Variants in SLC44A5 observed in about 807,000 individuals in gnomAD.
The protein encoded by SLC44A5 is choline transporter-like protein 5.
A neutral mutation model predicts 101.8 loss-of-function variants in SLC44A5; 57 were observed. The observed-to-expected ratio is 0.56, with a 90% CI of 0.45 to 0.70. SLC44A5 has a LOEUF of 0.70. Among genes scored for constraint, SLC44A5 ranks in the 30% least tolerant of loss-of-function variants. The pLI is 0.00. For synonymous variants in SLC44A5, 281 were observed against 290.9 expected, an observed-to-expected ratio of 0.97 and a Z score of 0.35; for missense variants, 737 against 853.1, an observed-to-expected ratio of 0.86 and a Z score of 1.70.
chr1:75,383,345 G>A (rs1235954470), intron 3 of SLC44A5, among the ~76,000 whole-genome samples: 6 of 143,328 alleles, frequency 4.2e-5, no homozygotes, highest in African/African-American at 1.0e-4. Flanking sequence ...CTGGTTCCCC[G>A]GTTCCCCTTA....
chr1:75,512,982 T>C (rs1669644649), intron 2 of SLC44A5, among the ~76,000 whole-genome samples: 1 of 152,254 alleles, frequency 6.6e-6, no homozygotes, highest in South Asian at 2.1e-4. Flanking sequence ...TATTTGATTC[T>C]CACAATGACT....
intron 2 of SLC44A5, among the ~76,000 whole-genome samples, chr1:75,427,792 C>T (rs1490155432): frequency 6.6e-6 from 1 of 152,142 alleles, no homozygotes; most frequent in Admixed American, 6.5e-5. Flanking sequence ...CAGTACCTAA[C>T]CCTTATTAAA....
At chr1:75,470,887 A>T (rs1265307353) in intron 2 of SLC44A5, among the ~76,000 whole-genome samples, 3 of 152,146 alleles carry the variant, frequency 2.0e-5, no homozygotes, top group Non-Finnish European at 4.4e-5. Context: ...ATGGATAGCT[A>T]CCAGAGGCAT....
At chr1:75,566,131 G>A (rs1672772924) in intron 1 of SLC44A5, among the ~76,000 whole-genome samples, 1 of 152,132 alleles carries the variant, frequency 6.6e-6, no homozygotes, top group Non-Finnish European at 1.5e-5. Context: ...GAAATGGAAT[G>A]CCACAGCACC....
chr1:75,491,356 T>C (rs560654892), intron 2 of SLC44A5, among the ~76,000 whole-genome samples: 1 of 152,188 alleles, frequency 6.6e-6, no homozygotes, highest in Non-Finnish European at 1.5e-5. Context: ...ATCTCAGTGA[T>C]GTCACTAAGA....
intron 1 of SLC44A5, among the ~76,000 whole-genome samples, chr1:75,581,704 G>A (rs1304537221): frequency 6.6e-6 from 1 of 152,196 alleles, no homozygotes; most frequent in Non-Finnish European, 1.5e-5. Context: ...GGTCATGGCT[G>A]TAGATCCTTC....
intron 2 of SLC44A5, among the ~76,000 whole-genome samples, chr1:75,531,852 C>T (rs888068392): frequency 6.6e-6 from 1 of 152,144 alleles, no homozygotes; most frequent in African/African-American, 2.4e-5. Flanking sequence ...ATTAAGAAAG[C>T]CTCTGTCCCT....
At chr1:75,472,886 A>T (rs1354594659) in intron 2 of SLC44A5, among the ~76,000 whole-genome samples, 8 of 152,172 alleles carry the variant, frequency 5.3e-5, no homozygotes, top group African/African-American at 1.9e-4. Flanking sequence ...ATAGACTAAC[A>T]AGTGGCAAGC....
the SLC44A5 span, among the ~76,000 whole-genome samples, chr1:75,708,228 T>C: frequency 2.2e-5 from 2 of 90,408 alleles, no homozygotes; most frequent in African/African-American, 4.1e-5. Context: ...CCTGGCAACA[T>C]GGGGAAACCC....
intron 5 of SLC44A5, among the ~76,000 whole-genome samples, chr1:75,284,056 T>A (rs1206730918): frequency 1.3e-5 from 2 of 152,122 alleles, no homozygotes; most frequent in Non-Finnish European, 2.9e-5. Flanking sequence ...GGTATTTTGA[T>A]GTGAAATGGC....
chr1:75,337,391 A>G (rs534491326), intron 4 of SLC44A5, among the ~76,000 whole-genome samples: 45 of 152,316 alleles, frequency 3.0e-4, no homozygotes, highest in African/African-American at 1.1e-3. Flanking sequence ...AAGCATACCA[A>G]TTCTCCATCA....
At chr1:75,227,120 G>A (rs570420632) in intron 13 of SLC44A5, among the ~76,000 whole-genome samples, 1 of 152,224 alleles carries the variant, frequency 6.6e-6, no homozygotes, top group South Asian at 2.1e-4. Context: ...ATGCCAGCAT[G>A]TTAGAAGGCT....
At chr1:75,598,909 G>GT (rs1427361946) in intron 1 of SLC44A5, among the ~76,000 whole-genome samples, 1 of 152,040 alleles carries the variant, frequency 6.6e-6, no homozygotes, top group African/African-American at 2.4e-5. Context: ...ACCTGCACAT[G>GT]TACCCCAAGC....
At chr1:75,523,061 A>G (rs1406036608) in intron 2 of SLC44A5, among the ~76,000 whole-genome samples, 1 of 152,186 alleles carries the variant, frequency 6.6e-6, no homozygotes, top group Non-Finnish European at 1.5e-5. Context: ...GCATGTTTCT[A>G]TTCATTGATT....
chr1:75,709,120 C>G, the SLC44A5 span, among the ~76,000 whole-genome samples: 1 of 152,158 alleles, frequency 6.6e-6, no homozygotes, highest in African/African-American at 2.4e-5. Context: ...AGAGTTGTAA[C>G]TTGATTCTCC....
At chr1:75,216,141 T>C (rs1177646769) in intron 18 of SLC44A5, among the ~76,000 whole-genome samples, 1 of 151,974 alleles carries the variant, frequency 6.6e-6, no homozygotes. Context: ...TTCCCCCAGC[T>C]CTTAGTAAAC....
At chr1:75,659,395 G>C in the SLC44A5 span, among the ~76,000 whole-genome samples, 1 of 134,498 alleles carries the variant, frequency 7.4e-6, no homozygotes, top group Non-Finnish European at 1.6e-5. Context: ...AAGAAAGAAA[G>C]AAAAAGAAGG....
intron 5 of SLC44A5, among the ~76,000 whole-genome samples, chr1:75,299,154 T>A (rs1220263277): frequency 1.3e-5 from 2 of 152,208 alleles, no homozygotes; most frequent in Non-Finnish European, 2.9e-5. Flanking sequence ...ATTATAATAT[T>A]TACTCTAGAG....
the SLC44A5 span, among the ~76,000 whole-genome samples, chr1:75,618,977 G>A: frequency 2.6e-5 from 4 of 151,046 alleles, no homozygotes; most frequent in African/African-American, 9.7e-5. Context: ...GGCTGAGACA[G>A]GAGAATCGCT....
Sources: gnomAD v4.1 joint callset for allele counts (sites outside exome capture counted in the v4.1 genomes callset) on GRCh38, gnomAD v4.1.1 for gene constraint, MANE v1.5 for transcripts, NCBI Gene and HGNC (gene_info 2026-07-23, HGNC 2026-07-21) for gene names.